IBA57: variants seen among roughly 807,000 people sequenced by gnomAD.
IBA57 encodes the protein iron-sulfur cluster assembly factor IBA57, mitochondrial.
IBA57 carries 20 observed loss-of-function variants against 20.4 expected under a neutral mutation model. The ratio of observed to expected loss-of-function variants is 0.98; its 90% CI spans 0.69 to 1.42. The LOEUF (loss-of-function observed/expected upper bound fraction) is 1.42, where lower values mean the gene tolerates loss of function less well. Ranked by LOEUF, IBA57 falls within the 40% of genes most tolerant of loss-of-function variation. The pLI is 0.00. For missense variants in IBA57, 608 were observed against 499.3 expected (o/e 1.22, Z -2.07); for synonymous variants, 310 against 233.9 (o/e 1.33, Z -2.97).
At position 228,173,518 on chromosome 1, in the gene IBA57, G is replaced by C. The variant is rs56386805; in HGVS notation, c.342-1174G>C. ...TCTGAGGAGGGCTGCCTGGAGTGCA[G>C]GTCAGAATGGCTCTGGGGCCCCGAT... On this transcript the variant is annotated intron_variant, in intron 1 of 2. Coordinates refer to ENST00000366711, the MANE Select transcript of IBA57 (RefSeq NM_001010867.4). The C allele has an allele frequency of 6.8e-3, 1,037 of 152,358 alleles. 9 individuals carry two copies. The highest frequency in any genetic ancestry group is 0.024 in the African/African-American group (989 of 41,422). The allele number at this position is 152,358 out of a possible 1,614,324, so 9.4% of individuals were successfully genotyped here.
At position 228,165,905 on chromosome 1, in the gene IBA57, G is replaced by T; in HGVS notation, c.89G>T (p.Arg30Leu). ...RWRLRAAPRCRLAHSSCSPGG... is the reference protein window; with the variant it reads ...RWRLRAAPRCLLAHSSCSPGG... ...CGGCTGCGCGCGGCCCCAAGGTGCC[G>T]CCTGGCCCACAGCTCCTGCAGTCCT... is the stretch of plus-strand genomic sequence containing the variant. Residue 30 changes from arginine (R) to leucine (L), a missense_variant, in exon 1 of 3, where the codon CGC (arginine) becomes CTC (leucine). Physicochemically the swap from Arg to Leu is moderately radical, Grantham distance 102 (BLOSUM62 -2). Coordinates refer to ENST00000366711, the MANE Select transcript of IBA57 (RefSeq NM_001010867.4). 2 of 1,442,432 alleles carry T rather than the reference G, an allele frequency of 1.4e-6. No homozygotes were observed. Among genetic ancestry groups the T allele is most frequent in the Non-Finnish European group, 1.8e-6 (2 of 1,100,984 alleles). 89.4% of individuals were successfully genotyped at this position (1,442,432 alleles called of 1,614,324 possible).
At chr1:228,166,256 G>T in intron 1 of IBA57, 99 bp downstream of exon 1, 4 of 943,492 alleles carry the variant, frequency 4.2e-6, no homozygotes, top group East Asian at 6.6e-5. Context: ...CCTGCAGAGG[G>T]CGTGGGGGGT....
chr1:228,167,545 C>A (rs1021412615), intron 1 of IBA57, among the ~76,000 whole-genome samples: 2 of 152,038 alleles, frequency 1.3e-5, no homozygotes, highest in Non-Finnish European at 2.9e-5. Flanking sequence ...TTAGTAGAGA[C>A]AGGGTTTCAC....
rs1263816036 is a variant in IBA57 at position 228,175,030 on chromosome 1, G to T, written c.679+1G>T. 1.8e-5 allele frequency: 28 copies of T among 1,556,428 alleles called. No homozygotes were observed. The highest frequency in any genetic ancestry group is 2.4e-5 in the Non-Finnish European group (28 of 1,148,290). On this transcript the variant is annotated splice_donor_variant, in intron 2 of 2. Transcript: ENST00000366711. LOFTEE classifies it high-confidence loss of function. ...TATCACCAGCACCGATACCTGCAAGGTATGGGTGGGGTGGGCACGCTGGGC... is the reference window on the plus strand; with the variant it reads ...TATCACCAGCACCGATACCTGCAAGTTATGGGTGGGGTGGGCACGCTGGGC...
chr1:228,174,210 T>G (rs1407337544), intron 1 of IBA57, among the ~76,000 whole-genome samples: 1 of 12,476 alleles, frequency 8.0e-5, no homozygotes, highest in South Asian at 1.9e-3. Context: ...CGTGGCTCGC[T>G]GTGGGCGTGG....
Position 228,175,244 on chromosome 1 carries a change from C to T in IBA57, c.802C>T (p.Arg268Cys), listed in dbSNP as rs1332185635. The change falls in exon 3 of 3, where the codon CGC becomes TGC. Residue 268 changes from arginine (R) to cysteine (C), a missense_variant. Arg to Cys is a radical substitution (Grantham distance 180). Transcript: ENST00000366711. ...GCYIGQELTA[R>C]THHMGVIRKR... ...CTACATTGGCCAGGAGCTGACGGCCCGCACCCACCACATGGGCGTCATCCG... is the reference window on the plus strand; with the variant it reads ...CTACATTGGCCAGGAGCTGACGGCCTGCACCCACCACATGGGCGTCATCCG... 1.9e-6 allele frequency: 3 copies of T among 1,612,840 alleles called. No homozygotes were observed. Among genetic ancestry groups the T allele is most frequent in the South Asian group, 2.2e-5 (2 of 91,082 alleles).
intron 1 of IBA57, among the ~76,000 whole-genome samples, chr1:228,166,366 G>T (rs1488700895): frequency 6.6e-6 from 1 of 152,022 alleles, no homozygotes; most frequent in Non-Finnish European, 1.5e-5. Flanking sequence ...ACTTGGGATG[G>T]ACACCCAGGG....
rs575459370 is a variant in IBA57 at position 228,178,478 on chromosome 1, G to A, written c.*2965G>A. ...CACCTGTGGTCCCACCTATTCGGGA[G>A]GCTGAAGTGCGAGGATCACTTGAGC... On this transcript the variant is annotated 3_prime_UTR_variant, in exon 3 of 3. Transcript: ENST00000366711. 2.6e-5 allele frequency: 4 copies of A among 152,444 alleles called. No individual in the cohort carries two copies. The highest frequency in any genetic ancestry group is 4.4e-5 in the Non-Finnish European group (3 of 68,280). The allele number at this position is 152,444 out of a possible 1,614,324, so 9.4% of individuals were successfully genotyped here. A position where few individuals can be genotyped will look rare whatever the true frequency, so the allele number is the denominator to read the frequency against.
chr1:228,175,544 G>C lies in IBA57; in HGVS notation c.*31G>C. The C allele has an allele frequency of 1.3e-6, 2 of 1,529,060 alleles. No individual in the cohort carries two copies. The highest frequency in any genetic ancestry group is 1.8e-6 in the Non-Finnish European group (2 of 1,138,084). 94.7% of individuals were successfully genotyped at this position (1,529,060 alleles called of 1,614,324 possible). A position where few individuals can be genotyped will look rare whatever the true frequency, so the allele number is the denominator to read the frequency against. On this transcript the variant is annotated 3_prime_UTR_variant, in exon 3 of 3. Coordinates refer to ENST00000366711, the MANE Select transcript of IBA57 (RefSeq NM_001010867.4). ...AGCCTTGGCTGGCGCAGGCTGATGG[G>C]GAGGCTGGGGCCTGGGGCCTTTGGC... is the stretch of plus-strand genomic sequence containing the variant.
intron 1 of IBA57, among the ~76,000 whole-genome samples, chr1:228,166,570 G>A (rs1010019969): frequency 6.6e-6 from 1 of 151,962 alleles, no homozygotes; most frequent in Non-Finnish European, 1.5e-5. Flanking sequence ...GGGACAAGGG[G>A]TTCAGGGGCC....
rs1209428889 is a variant in IBA57 at position 228,179,159 on chromosome 1, A to C, written c.*3646A>C. 1 of 152,030 alleles carries C rather than the reference A, an allele frequency of 6.6e-6. No individual in the cohort carries two copies. The highest frequency in any genetic ancestry group is 1.5e-5 in the Non-Finnish European group (1 of 67,998). 9.4% of individuals were successfully genotyped at this position (152,030 alleles called of 1,614,324 possible). On this transcript the variant is annotated 3_prime_UTR_variant, in exon 3 of 3. Transcript: ENST00000366711. ...AAAGAAATTGTCAACACACACACACAGTACCATAAACAAGGCCCAGCAGAA... is the reference window on the plus strand; with the variant it reads ...AAAGAAATTGTCAACACACACACACCGTACCATAAACAAGGCCCAGCAGAA...
At position 228,170,185 on chromosome 1, in the gene IBA57, T is replaced by C. The variant is rs910846750; in HGVS notation, c.341+4028T>C. The stretch of plus-strand genomic sequence containing the variant: ...CGCCCGGCCGACAGCTAATTTCTTT[T>C]AGTACTGGTTAGTATTCCATTGGAT... On this transcript the variant is annotated intron_variant, in intron 1 of 2. Coordinates refer to ENST00000366711, the MANE Select transcript of IBA57 (RefSeq NM_001010867.4). The surrounding 1 kb of genome is among the most constrained non-coding windows in gnomAD (Gnocchi z 4.8). Among the ~76,000 whole-genome samples, 4 of 152,208 alleles carry C rather than the reference T, an allele frequency of 2.6e-5. No homozygotes were observed. Among genetic ancestry groups the C allele is most frequent in the Non-Finnish European group, 5.9e-5 (4 of 68,032 alleles).
Position 228,174,842 on chromosome 1 carries a change from C to A in IBA57, c.492C>A (p.Pro164=), listed in dbSNP as rs1487741902. 6.2e-7 allele frequency: 1 copy of A among 1,610,446 alleles called. No individual in the cohort carries two copies. Among genetic ancestry groups the A allele is most frequent in the Admixed American group, 1.7e-5 (1 of 59,744 alleles). ...HPELRVWAVL[P]SSPEACGAAS... is the part of the protein sequence containing the mutation. ...AGCTGCGAGTGTGGGCGGTGTTGCC[C>A]AGTTCCCCTGAGGCCTGCGGGGCTG... The change falls in exon 2 of 3, where the codon CCC becomes CCA. Residue 164 remains proline (P), a synonymous_variant. Transcript: ENST00000366711.
At chr1:228,167,095 G>A (rs2034864238) in intron 1 of IBA57, among the ~76,000 whole-genome samples, 1 of 152,216 alleles carries the variant, frequency 6.6e-6, no homozygotes, top group Admixed American at 6.5e-5. Context: ...TTTCTGAGAA[G>A]TCTGGTGCCG....
chr1:228,168,701 T>C (rs1223139495), intron 1 of IBA57, among the ~76,000 whole-genome samples: 1 of 152,094 alleles, frequency 6.6e-6, no homozygotes, highest in Non-Finnish European at 1.5e-5. Context: ...CTGTTCTGAG[T>C]GCTGAGGGCA....
chr1:228,166,420 G>T (rs1360714580), intron 1 of IBA57, among the ~76,000 whole-genome samples: 2 of 152,214 alleles, frequency 1.3e-5, no homozygotes, highest in Admixed American at 6.5e-5. Context: ...GCACCCAGAG[G>T]AGGGCTTGGC....
chr1:228,169,117 G>A (rs1175711736), intron 1 of IBA57, among the ~76,000 whole-genome samples: 2 of 151,964 alleles, frequency 1.3e-5, no homozygotes, highest in Non-Finnish European at 2.9e-5. Context: ...GGCTGCTGTT[G>A]GCTGTTGACC....
chr1:228,175,577 C>T lies in IBA57; in HGVS notation c.*64C>T. 4.0e-6 allele frequency: 6 copies of T among 1,498,880 alleles called. No individual in the cohort carries two copies. The highest frequency in any genetic ancestry group is 5.3e-6 in the Non-Finnish European group (6 of 1,124,410). The allele number at this position is 1,498,880 out of a possible 1,614,324, so 92.8% of individuals were successfully genotyped here. A position where few individuals can be genotyped will look rare whatever the true frequency, so the allele number is the denominator to read the frequency against. On this transcript the variant is annotated 3_prime_UTR_variant, in exon 3 of 3. Transcript: ENST00000366711. ...GGGCCTGGGGCCTTTGGCCTCTGTCCAGGGTCTTCCCGTCCCATCTGTCTG... is the reference window on the plus strand; with the variant it reads ...GGGCCTGGGGCCTTTGGCCTCTGTCTAGGGTCTTCCCGTCCCATCTGTCTG...
At chr1:228,172,144 CA>C (rs59008692) in intron 1 of IBA57, 136,958 of 144,106 alleles carry the variant, frequency 0.95, 65,394 homozygotes, top group Non-Finnish European at 1. Context: ...CAGGAAGTTG[CA>C]AAAAAAAAAA....
Sources: gnomAD v4.1 joint callset for allele counts (sites outside exome capture counted in the v4.1 genomes callset) on GRCh38, gnomAD v4.1.1 for gene constraint, Gnocchi (gnomAD v3.1) non-coding constraint, MANE v1.5 for transcripts, NCBI Gene and HGNC (gene_info 2026-07-23, HGNC 2026-07-21) for gene names.